Variants in TUFT1 observed in about 807,000 individuals in gnomAD.
The protein encoded by TUFT1 is tuftelin.
TUFT1 carries 43 observed loss-of-function variants against 57.8 expected under a neutral mutation model. The observed-to-expected ratio is 0.74, with a 90% confidence interval of 0.58 to 0.96. TUFT1 has a LOEUF of 0.96. Among genes scored for constraint, TUFT1 ranks in the 40% least tolerant of loss-of-function variants. TUFT1 has a pLI of 0.00. For missense variants in TUFT1, 459 were observed against 489.0 expected (o/e 0.94, Z 0.58); for synonymous variants, 166 against 176.7 (o/e 0.94, Z 0.48).
intron 10 of TUFT1, among the ~76,000 whole-genome samples, 181 bp from the exon 11 acceptor site, chr1:151,579,468 C>T (rs183833586): frequency 1.5e-4 from 23 of 152,324 alleles, no homozygotes; most frequent in Non-Finnish European, 2.9e-4. Context: ...ACACTCCTCA[C>T]TCCCACCCCT....
At chr1:151,563,789 AC>A (rs1665972981) in intron 3 of TUFT1, 114 bp from the exon 4 acceptor site, 4 of 838,570 alleles carry the variant, frequency 4.8e-6, no homozygotes, top group Middle Eastern at 3.2e-4. Flanking sequence ...ACCAAATTCC[AC>A]CCAGTAAATT....
intron 7 of TUFT1, among the ~76,000 whole-genome samples, chr1:151,573,636 C>T (rs550475575): frequency 9.2e-5 from 14 of 152,030 alleles, no homozygotes; most frequent in South Asian, 2.1e-4. Flanking sequence ...CCCAGCTACT[C>T]GGGAGGCTGA....
At chr1:151,541,237 A>G (rs1665156338) in intron 1 of TUFT1, among the ~76,000 whole-genome samples, 1 of 152,106 alleles carries the variant, frequency 6.6e-6, no homozygotes, top group South Asian at 2.1e-4. Context: ...AGGCTTCTGG[A>G]CGGGGAGAGG....
intron 1 of TUFT1, among the ~76,000 whole-genome samples, chr1:151,554,275 TC>T (rs1165022300): frequency 6.6e-6 from 1 of 152,250 alleles, no homozygotes; most frequent in African/African-American, 2.4e-5. Context: ...CAGGATTCAG[TC>T]CAGGATCCCA....
chr1:151,555,274 A>G (rs1665653255), intron 1 of TUFT1, among the ~76,000 whole-genome samples: 1 of 150,286 alleles, frequency 6.7e-6, no homozygotes, highest in African/African-American at 2.4e-5. Flanking sequence ...GGGTGTGGTG[A>G]GCCAAGATTG....
intron 4 of TUFT1, 68 bp downstream of exon 4, chr1:151,564,058 T>A: frequency 2.3e-6 from 3 of 1,312,248 alleles, no homozygotes; most frequent in Non-Finnish European, 2.1e-6. Flanking sequence ...TTTGTGACTG[T>A]CTTCTTTTGT....
chr1:151,556,799 C>T (rs1284795452), intron 1 of TUFT1, among the ~76,000 whole-genome samples: 1 of 152,078 alleles, frequency 6.6e-6, no homozygotes, highest in Non-Finnish European at 1.5e-5. Context: ...GTGAAGCCCC[C>T]TCTATATTAA....
chr1:151,562,551 T>G, intron 2 of TUFT1, 34 bp from the exon 3 acceptor site: 1 of 1,584,988 alleles, frequency 6.3e-7, no homozygotes, highest in Non-Finnish European at 8.6e-7. Flanking sequence ...GCCATCTCTC[T>G]CTCTCTCTCT....
chr1:151,567,524 A>G (rs746016889), intron 6 of TUFT1, among the ~76,000 whole-genome samples: 2 of 151,368 alleles, frequency 1.3e-5, no homozygotes, highest in Non-Finnish European at 3.0e-5. Flanking sequence ...ATGAGCTACT[A>G]TGCTTGGCCT....
chr1:151,548,768 C>T (rs1484994097), intron 1 of TUFT1, among the ~76,000 whole-genome samples: 1 of 152,174 alleles, frequency 6.6e-6, no homozygotes, highest in Non-Finnish European at 1.5e-5. Flanking sequence ...CAGGGGCAAT[C>T]TCCACTTCCT....
chr1:151,574,718 G>A (rs1319396546), intron 8 of TUFT1, among the ~76,000 whole-genome samples, 193 bp from the exon 9 acceptor site: 1 of 152,206 alleles, frequency 6.6e-6, no homozygotes, highest in Non-Finnish European at 1.5e-5. Flanking sequence ...GGGCAGCTGG[G>A]TGAGGCTGAG....
chr1:151,561,947 T>A, intron 1 of TUFT1, 144 bp from the exon 2 acceptor site: 1 of 1,484,532 alleles, frequency 6.7e-7, no homozygotes, highest in East Asian at 2.4e-5. Flanking sequence ...GCTGCCTCCC[T>A]GGACTTCAGT....
At chr1:151,557,619 G>A in intron 1 of TUFT1, 1 of 1,066,124 alleles carries the variant, frequency 9.4e-7, no homozygotes, top group Non-Finnish European at 1.5e-6. Flanking sequence ...GCTACGTGAA[G>A]GAACAGTTTG....
chr1:151,564,827 T>C, intron 5 of TUFT1: 1 of 452,042 alleles, frequency 2.2e-6, no homozygotes, highest in East Asian at 3.6e-5. Flanking sequence ...AGCTTAAACA[T>C]AAGTACACCT....
intron 5 of TUFT1, among the ~76,000 whole-genome samples, chr1:151,565,667 T>C (rs1666047441): frequency 6.6e-6 from 1 of 152,240 alleles, no homozygotes; most frequent in African/African-American, 2.4e-5. Flanking sequence ...AATCAGGCTT[T>C]GGGTCAGAAA....
At chr1:151,541,108 G>A (rs533305817) in intron 1 of TUFT1, among the ~76,000 whole-genome samples, 4 of 151,948 alleles carry the variant, frequency 2.6e-5, no homozygotes, top group Non-Finnish European at 4.4e-5. Flanking sequence ...TCTGCCTGCC[G>A]ATAGCTTCCT....
chr1:151,578,347 T>C (rs1427889918), intron 9 of TUFT1, among the ~76,000 whole-genome samples: 1 of 152,074 alleles, frequency 6.6e-6, no homozygotes, highest in African/African-American at 2.4e-5. Context: ...TCTTGCTCTG[T>C]CACCCAGGCT....
At chr1:151,579,123 G>A (rs535840313) in intron 10 of TUFT1, among the ~76,000 whole-genome samples, 33 of 152,316 alleles carry the variant, frequency 2.2e-4, no homozygotes, top group African/African-American at 7.7e-4. Flanking sequence ...AATAAACTCT[G>A]TTATCTGTGC....
At position 151,582,951 on chromosome 1, in the gene TUFT1, T is replaced by C. The variant is rs985430060; in HGVS notation, c.*1244T>C. ...TCTTTTTTTATTGTTTTTTTTTTTT[T>C]CTGAGACAGAGTCTCACTCTGTCAC... On this transcript the variant is annotated 3_prime_UTR_variant, in exon 13 of 13. Transcript: ENST00000368849. The C allele has an allele frequency of 1.3e-5, 2 of 151,696 alleles. No homozygotes were observed. The highest frequency in any genetic ancestry group is 4.8e-5 in the African/African-American group (2 of 41,332). The allele number at this position is 151,696 out of a possible 1,614,324, so 9.4% of individuals were successfully genotyped here. A position where few individuals can be genotyped will look rare whatever the true frequency, so the allele number is the denominator to read the frequency against.
Sources: gnomAD v4.1 joint callset for allele counts (sites outside exome capture counted in the v4.1 genomes callset) on GRCh38, gnomAD v4.1.1 for gene constraint, MANE v1.5 for transcripts, NCBI Gene and HGNC (gene_info 2026-07-23, HGNC 2026-07-21) for gene names.